CAMK4: variants seen among roughly 807,000 people sequenced by gnomAD.
CAMK4 encodes calcium/calmodulin dependent protein kinase IV.
CAMK4 carries 22 observed loss-of-function variants against 44.9 expected under a neutral mutation model. The ratio of observed to expected loss-of-function variants is 0.49; its 90% CI spans 0.35 to 0.70. The LOEUF is 0.70. Among genes scored for constraint, CAMK4 ranks in the 30% least tolerant of loss-of-function variants. The pLI is 0.01. For synonymous variants in CAMK4, 218 were observed against 215.4 expected, an observed-to-expected ratio of 1.01 and a Z score of -0.11; for missense variants, 498 against 586.8, an observed-to-expected ratio of 0.85 and a Z score of 1.56.
At chr5:111,286,995 G>T (rs1419755898) in intron 1 of CAMK4, among the ~76,000 whole-genome samples, 1 of 152,096 alleles carries the variant, frequency 6.6e-6, no homozygotes, top group Non-Finnish European at 1.5e-5. Context: ...CCTTATGTAG[G>T]TTCTTGAGAG....
In CAMK4 at chr5:111,482,844, G is replaced by T. The variant is rs756021185; in HGVS notation, c.888G>T (p.Gln296His). The change falls in exon 10 of 11, where the codon CAG (glutamine) becomes CAT (histidine). Residue 296 changes from glutamine to histidine, a missense_variant. Coordinates refer to ENST00000282356, the MANE Select transcript of CAMK4 (RefSeq NM_001744.6). The surrounding 1 kb of genome is among the most constrained non-coding windows in gnomAD (Gnocchi z 4.9). Reference protein sequence around the residue: ...KKRLTTFQALQHPWVTGKAAN... With the variant: ...KKRLTTFQALHHPWVTGKAAN... Reference sequence around the variant, plus strand: ...GGCTGACTACATTTCAAGCTCTCCAGCATCCGTGGGTCACAGGTAAAGCAG... The same window carrying T: ...GGCTGACTACATTTCAAGCTCTCCATCATCCGTGGGTCACAGGTAAAGCAG... 6.2e-7 allele frequency: 1 copy of T among 1,612,690 alleles called. No individual in the cohort carries two copies. The highest frequency in any genetic ancestry group is 8.5e-7 in the Non-Finnish European group (1 of 1,179,356).
At chr5:111,344,600 C>T (rs906736496) in intron 2 of CAMK4, among the ~76,000 whole-genome samples, 1 of 151,740 alleles carries the variant, frequency 6.6e-6, no homozygotes, top group Non-Finnish European at 1.5e-5. Flanking sequence ...GCACTTGCTT[C>T]AGTAGAGTAT....
At chr5:111,342,172 T>C (rs1443905538) in intron 1 of CAMK4, among the ~76,000 whole-genome samples, 4 of 151,372 alleles carry the variant, frequency 2.6e-5, no homozygotes, top group Non-Finnish European at 4.4e-5. Flanking sequence ...CTGTAATCCT[T>C]CCTGAGAGTT....
intron 1 of CAMK4, among the ~76,000 whole-genome samples, chr5:111,325,575 C>A (rs1310005857): frequency 1.3e-5 from 2 of 152,046 alleles, no homozygotes; most frequent in African/African-American, 2.4e-5. Flanking sequence ...ACCATTCTAA[C>A]TGGCATGCGA....
chr5:111,321,086 A>C (rs1748643989), intron 1 of CAMK4, among the ~76,000 whole-genome samples: 1 of 152,168 alleles, frequency 6.6e-6, no homozygotes, highest in South Asian at 2.1e-4. Flanking sequence ...CACCCCTGGA[A>C]GTGAGCCTTT....
At position 111,492,841 on chromosome 5, in the gene CAMK4, C is replaced by T. The variant is rs1478793830; in HGVS notation, c.*8375C>T. 2 of 151,984 alleles carry T rather than the reference C, an allele frequency of 1.3e-5. No individual in the cohort carries two copies. The highest frequency in any genetic ancestry group is 2.4e-5 in the African/African-American group (1 of 41,372). The allele number at this position is 151,984 out of a possible 1,614,324, so 9.4% of individuals were successfully genotyped here. A position where few individuals can be genotyped will look rare whatever the true frequency, so the allele number is the denominator to read the frequency against. ...ATAGATACAACCTGTACATATATAA[C>T]CTATGCTGCATTTAGGCAGATGATA... On this transcript the variant is annotated 3_prime_UTR_variant, in exon 11 of 11. Transcript: ENST00000282356.
chr5:111,295,732 G>A (rs1747454248), intron 1 of CAMK4, among the ~76,000 whole-genome samples: 1 of 152,110 alleles, frequency 6.6e-6, no homozygotes, highest in Admixed American at 6.5e-5. Flanking sequence ...TTCATATGCT[G>A]GGCTCTTCCT....
chr5:111,261,697 T>A (rs906555700), intron 1 of CAMK4, among the ~76,000 whole-genome samples: 1 of 152,046 alleles, frequency 6.6e-6, no homozygotes, highest in Non-Finnish European at 1.5e-5. Context: ...CCTACTTCTG[T>A]TGTATTCTCT....
intron 1 of CAMK4, among the ~76,000 whole-genome samples, chr5:111,277,933 T>G (rs953166560): frequency 6.6e-6 from 1 of 152,218 alleles, no homozygotes; most frequent in Non-Finnish European, 1.5e-5. Flanking sequence ...TAATGTTTGA[T>G]CATTTCTCAG....
intron 5 of CAMK4, among the ~76,000 whole-genome samples, chr5:111,415,680 T>A (rs1447896731): frequency 1.3e-5 from 2 of 152,188 alleles, no homozygotes; most frequent in East Asian, 3.9e-4. Context: ...TTGCAAAGAA[T>A]GATCAATGGA....
At chr5:111,472,461 C>T (rs1580799692) in intron 7 of CAMK4, among the ~76,000 whole-genome samples, 1 of 152,194 alleles carries the variant, frequency 6.6e-6, no homozygotes, top group Non-Finnish European at 1.5e-5. Context: ...TGGTGGGGCT[C>T]TTACTTTCCC....
At chr5:111,377,658 G>A (rs527930810) in intron 4 of CAMK4, among the ~76,000 whole-genome samples, 6 of 152,122 alleles carry the variant, frequency 3.9e-5, no homozygotes, top group South Asian at 4.1e-4. Flanking sequence ...TGTCCTGATG[G>A]GCTCTTGAGA....
At chr5:111,449,100 T>A (rs1404489532) in intron 6 of CAMK4, 29 bp from the exon 7 acceptor site, 1 of 952,076 alleles carries the variant, frequency 1.1e-6, no homozygotes. Context: ...GAAGACGTGC[T>A]TCATTAAATT....
intron 1 of CAMK4, among the ~76,000 whole-genome samples, chr5:111,263,317 G>T (rs882962): frequency 0.26 from 40,225 of 152,142 alleles, 6,342 homozygotes; most frequent in African/African-American, 0.44. Context: ...GGTAAAGTTG[G>T]ATGGAATGAG....
At chr5:111,239,000 C>A (rs1748870824) in intron 1 of CAMK4, among the ~76,000 whole-genome samples, 1 of 151,414 alleles carries the variant, frequency 6.6e-6, no homozygotes, top group Admixed American at 6.6e-5. Context: ...CAATGCCTGC[C>A]AGCTCCTGGT....
At chr5:111,427,191 G>C (rs866690958) in intron 5 of CAMK4, among the ~76,000 whole-genome samples, 24 of 152,230 alleles carry the variant, frequency 1.6e-4, no homozygotes, top group Middle Eastern at 6.8e-3. Context: ...AGTCAGAGTT[G>C]TGAGGTCCCC....
intron 5 of CAMK4, among the ~76,000 whole-genome samples, chr5:111,417,458 C>T (rs1252994779): frequency 6.6e-6 from 1 of 151,942 alleles, no homozygotes; most frequent in African/African-American, 2.4e-5. Flanking sequence ...TCAAGTGATC[C>T]ACCCGTCTTG....
At chr5:111,413,658 G>T (rs1752709739) in intron 5 of CAMK4, among the ~76,000 whole-genome samples, 1 of 151,274 alleles carries the variant, frequency 6.6e-6, no homozygotes, top group Non-Finnish European at 1.5e-5. Context: ...TTTTGAAATA[G>T]AAAACATGTA....
intron 5 of CAMK4, among the ~76,000 whole-genome samples, chr5:111,414,387 G>A (rs1752739563): frequency 6.6e-6 from 1 of 152,092 alleles, no homozygotes; most frequent in Non-Finnish European, 1.5e-5. Flanking sequence ...CCTCTCAGCA[G>A]CAGCAGCAGC....
Sources: allele counts gnomAD v4.1 joint callset (sites outside exome capture counted in the v4.1 genomes callset), GRCh38; gene constraint gnomAD v4.1.1; non-coding constraint Gnocchi (gnomAD v3.1); transcripts MANE v1.5; gene names NCBI Gene and HGNC (gene_info 2026-07-23, HGNC 2026-07-21).